The following CSTF3 variants were observed in gnomAD, a reference collection of about 807,000 sequenced individuals.
The protein encoded by CSTF3 is CF-1 77 kDa subunit.
Under a neutral mutation model 105.8 loss-of-function variants are expected in CSTF3, and 29 were observed. That is an observed-to-expected ratio of 0.27 (90% confidence interval 0.20 to 0.37). CSTF3 has a LOEUF of 0.37. Among genes scored for constraint, CSTF3 ranks in the 10% least tolerant of loss-of-function variants. CSTF3 has a pLI of 1.00. For synonymous variants in CSTF3, 252 were observed against 281.9 expected, an observed-to-expected ratio of 0.89 and a Z score of 1.06; for missense variants, 357 against 879.3, an observed-to-expected ratio of 0.41 and a Z score of 7.51.
chr11:33,122,070 T>A (rs1485603732), intron 3 of CSTF3, among the ~76,000 whole-genome samples: 2 of 152,174 alleles, frequency 1.3e-5, no homozygotes, highest in South Asian at 2.1e-4. Flanking sequence ...ATCATCCTAC[T>A]GCAAAATGCA....
intron 3 of CSTF3, among the ~76,000 whole-genome samples, chr11:33,111,389 A>G (rs1264913461): frequency 6.6e-6 from 1 of 152,222 alleles, no homozygotes; most frequent in Non-Finnish European, 1.5e-5. Context: ...TTATGTATTC[A>G]GCTTTAACAG....
chr11:33,139,048 C>T lies in CSTF3; in HGVS notation c.225+2619G>A, dbSNP rs538976416. 2.8e-4 allele frequency among the ~76,000 whole-genome samples: 43 copies of T among 152,006 alleles called. No homozygotes were observed. The South Asian group carries it at 8.3e-3, about 29-fold the overall frequency. ...GCTCAACTCTCAGTTATGAGCAAAT[C>T]TGATGCACTGGCTCATATAGCAGCA... is the stretch of plus-strand genomic sequence containing the variant. On this transcript the variant is annotated intron_variant, in intron 3 of 20. Coordinates refer to ENST00000323959, the MANE Select transcript of CSTF3 (RefSeq NM_001326.3).
At chr11:33,113,035 C>T (rs1157080928) in intron 3 of CSTF3, among the ~76,000 whole-genome samples, 1 of 151,778 alleles carries the variant, frequency 6.6e-6, no homozygotes, top group African/African-American at 2.4e-5. Flanking sequence ...TAGTGAAACC[C>T]CGTCTCTACT....
At chr11:33,132,997 G>A (rs528159237) in intron 3 of CSTF3, among the ~76,000 whole-genome samples, 1 of 151,782 alleles carries the variant, frequency 6.6e-6, no homozygotes, top group East Asian at 1.9e-4. Flanking sequence ...CAATTTTTAA[G>A]TTTTCTTCCC....
rs572912478 is a variant in CSTF3 at position 33,149,668 on chromosome 11, G to T, written c.28-7682C>A. 2.0e-5 allele frequency among the ~76,000 whole-genome samples: 3 copies of T among 152,294 alleles called. No homozygotes were observed. The East Asian group carries it at 5.8e-4, about 29-fold the overall frequency. On this transcript the variant is annotated intron_variant, in intron 1 of 20. Coordinates refer to ENST00000323959, the MANE Select transcript of CSTF3 (RefSeq NM_001326.3). ...GAAGGCCGAGACGGGCAGATCACTC[G>T]AGGTCAGGAGTTCAAGACCAGTCTG...
intron 3 of CSTF3, among the ~76,000 whole-genome samples, chr11:33,120,599 A>G (rs999385128): frequency 1.3e-5 from 2 of 151,896 alleles, no homozygotes; most frequent in Non-Finnish European, 2.9e-5. Context: ...TCAGTAGTCC[A>G]TCTAGGTATT....
intron 10 of CSTF3, among the ~76,000 whole-genome samples, chr11:33,100,719 T>C (rs1488465030): frequency 2.0e-5 from 3 of 152,150 alleles, no homozygotes; most frequent in Non-Finnish European, 4.4e-5. Flanking sequence ...AAGGCTTCAC[T>C]AAGGAACTGA....
At chr11:33,121,526 A>G (rs1325208555) in intron 3 of CSTF3, among the ~76,000 whole-genome samples, 1 of 152,114 alleles carries the variant, frequency 6.6e-6, no homozygotes, top group East Asian at 1.9e-4. Flanking sequence ...CTCTAATTAT[A>G]TTTGTGATAT....
At chr11:33,102,972 C>T in intron 9 of CSTF3, 135 bp downstream of exon 9, 1 of 584,934 alleles carries the variant, frequency 1.7e-6, no homozygotes, top group South Asian at 2.4e-5. Context: ...TATGTCATCT[C>T]CTCAGACTTT....
Position 33,098,731 on chromosome 11 carries a change from A to T in CSTF3, c.1087T>A (p.Tyr363Asn). 1 of 1,560,756 alleles carries T rather than the reference A, an allele frequency of 6.4e-7. No homozygotes were observed. The highest frequency in any genetic ancestry group is 8.6e-7 in the Non-Finnish European group (1 of 1,162,112). The change falls in exon 13 of 21, where the codon TAT becomes AAT. Residue 363 changes from tyrosine to asparagine, a missense_variant. Physicochemically the swap from Tyr to Asn is moderately radical, Grantham distance 143 (BLOSUM62 -2). Coordinates refer to ENST00000323959, the MANE Select transcript of CSTF3 (RefSeq NM_001326.3). ...RMKYEKVHSIYNRLLAIEDID... is the reference protein window; with the variant it reads ...RMKYEKVHSINNRLLAIEDID... ...TCCTCAATTGCCAGAAGTCTGTTAT[A>T]TATACTGTGAACCTTTTCATACTTC... is the stretch of plus-strand genomic sequence containing the variant.
chr11:33,145,605 G>T (rs1477632155), intron 1 of CSTF3, among the ~76,000 whole-genome samples: 1 of 152,096 alleles, frequency 6.6e-6, no homozygotes, highest in Non-Finnish European at 1.5e-5. Context: ...TAGGTCAGGA[G>T]AACAGAAACC....
intron 13 of CSTF3, among the ~76,000 whole-genome samples, chr11:33,097,611 C>T (rs564415413): frequency 1.3e-5 from 2 of 152,316 alleles, no homozygotes; most frequent in Admixed American, 1.3e-4. Flanking sequence ...TCGTGATCTG[C>T]CTGCCTCGAC....
intron 3 of CSTF3, among the ~76,000 whole-genome samples, chr11:33,126,893 G>A (rs1464203124): frequency 6.6e-6 from 1 of 152,172 alleles, no homozygotes; most frequent in African/African-American, 2.4e-5. Context: ...TATTATAGGG[G>A]AAAAGGAGAA....
chr11:33,132,386 G>T (rs1272273508), intron 3 of CSTF3, among the ~76,000 whole-genome samples: 1 of 150,226 alleles, frequency 6.7e-6, no homozygotes, highest in Non-Finnish European at 1.5e-5. Context: ...ATTTTCTGTT[G>T]AAGAAAAAAA....
At chr11:33,093,896 C>T (rs1425498596) in intron 15 of CSTF3, among the ~76,000 whole-genome samples, 1 of 152,024 alleles carries the variant, frequency 6.6e-6, no homozygotes, top group Non-Finnish European at 1.5e-5. Flanking sequence ...TTAGTAGAGA[C>T]GGGGTTTCAC....
intron 1 of CSTF3, among the ~76,000 whole-genome samples, chr11:33,154,075 A>G (rs1325969453): frequency 1.3e-5 from 2 of 152,190 alleles, no homozygotes; most frequent in East Asian, 3.8e-4. Flanking sequence ...ATTTATCAAG[A>G]ATATATTTTA....
intron 3 of CSTF3, among the ~76,000 whole-genome samples, chr11:33,115,808 G>A (rs1565009198): frequency 6.6e-6 from 1 of 152,110 alleles, no homozygotes; most frequent in Non-Finnish European, 1.5e-5. Context: ...AGGTGTAGTA[G>A]TTCATGCCTA....
At chr11:33,131,403 CAAAG>C (rs529786896) in intron 3 of CSTF3, among the ~76,000 whole-genome samples, 34 of 152,170 alleles carry the variant, frequency 2.2e-4, no homozygotes, top group South Asian at 6.2e-4. Context: ...AACTCCTGAT[CAAAG>C]AAAGAGTCAG....
intron 1 of CSTF3, among the ~76,000 whole-genome samples, chr11:33,157,291 G>A (rs1849879139): frequency 6.6e-6 from 1 of 152,044 alleles, no homozygotes; most frequent in Non-Finnish European, 1.5e-5. Context: ...GGAGGCGGAG[G>A]TTGCAGTGAG....
Sources: allele counts gnomAD v4.1 joint callset (sites outside exome capture counted in the v4.1 genomes callset), GRCh38; gene constraint gnomAD v4.1.1; transcripts MANE v1.5; gene names NCBI Gene and HGNC (gene_info 2026-07-23, HGNC 2026-07-21).